Variants in XKR6 observed in about 807,000 individuals in gnomAD.
The protein encoded by XKR6 is XK-related protein 6.
In XKR6, 22 loss-of-function variants were observed where a neutral mutation model predicts 56.7. The observed-to-expected ratio is 0.39, with a 90% CI of 0.28 to 0.55. The LOEUF is 0.55. Ranked by LOEUF, XKR6 falls within the 20% of genes least tolerant of loss-of-function variation. XKR6 has a pLI of 0.66. For synonymous variants in XKR6, 524 were observed against 387.8 expected (o/e 1.35, Z -4.13); for missense variants, 852 against 889.0 (o/e 0.96, Z 0.53).
rs970796353 is a variant in XKR6 at position 11,201,446 on chromosome 8, C to T, written c.-107G>A. 7.2e-6 allele frequency: 2 copies of T among 279,664 alleles called. No individual in the cohort carries two copies. Among genetic ancestry groups the T allele is most frequent in the Non-Finnish European group, 1.2e-5 (2 of 165,514 alleles). 17.3% of individuals were successfully genotyped at this position (279,664 alleles called of 1,614,324 possible). A position where few individuals can be genotyped will look rare whatever the true frequency, so the allele number is the denominator to read the frequency against. On this transcript the variant is annotated 5_prime_UTR_variant, in exon 1 of 3. Coordinates refer to ENST00000416569, the MANE Select transcript of XKR6 (RefSeq NM_173683.4). ...GGAAACGAATGGAGAGGAAGGGGGGCGGGGAGGAAGCGGGGGAGCAAACGA... is the reference window on the plus strand; with the variant it reads ...GGAAACGAATGGAGAGGAAGGGGGGTGGGGAGGAAGCGGGGGAGCAAACGA...
At chr8:11,049,340 CA>C (rs1344343021) in intron 1 of XKR6, among the ~76,000 whole-genome samples, 1 of 152,194 alleles carries the variant, frequency 6.6e-6, no homozygotes, top group Non-Finnish European at 1.5e-5. Context: ...CATGACCCGG[CA>C]GGAGGGTTCA....
intron 1 of XKR6, among the ~76,000 whole-genome samples, chr8:10,987,014 T>C (rs1442578591): frequency 6.6e-6 from 1 of 152,154 alleles, no homozygotes; most frequent in African/African-American, 2.4e-5. Flanking sequence ...GGTCTTGAAC[T>C]CTTAGATTCA....
intron 1 of XKR6, among the ~76,000 whole-genome samples, chr8:11,126,884 G>A (rs1350679510): frequency 6.6e-6 from 1 of 152,110 alleles, no homozygotes; most frequent in East Asian, 1.9e-4. Context: ...AAACCAAAGG[G>A]ACCCAGATGA....
At chr8:11,180,415 T>A (rs1802907145) in intron 1 of XKR6, among the ~76,000 whole-genome samples, 1 of 152,204 alleles carries the variant, frequency 6.6e-6, no homozygotes, top group South Asian at 2.1e-4. Flanking sequence ...AAGTTTAGTA[T>A]CACCCTTGGC....
chr8:10,915,182 G>A (rs1044755240), intron 2 of XKR6, among the ~76,000 whole-genome samples: 3 of 152,238 alleles, frequency 2.0e-5, no homozygotes, highest in African/African-American at 7.2e-5. Context: ...ACACAAAGCA[G>A]AAGCTCCACA....
intron 1 of XKR6, among the ~76,000 whole-genome samples, chr8:10,942,964 G>A (rs1208781162): frequency 6.6e-6 from 1 of 152,232 alleles, no homozygotes; most frequent in Non-Finnish European, 1.5e-5. Flanking sequence ...AGGATCTAGG[G>A]CCAGGTGGCC....
intron 1 of XKR6, among the ~76,000 whole-genome samples, chr8:10,929,651 G>A (rs540218054): frequency 1.2e-4 from 19 of 152,350 alleles, no homozygotes; most frequent in African/African-American, 4.3e-4. Context: ...CTGAGCCTTA[G>A]TTTCCTCATG....
At chr8:11,193,075 G>A (rs1307244372) in intron 1 of XKR6, among the ~76,000 whole-genome samples, 1 of 152,194 alleles carries the variant, frequency 6.6e-6, no homozygotes, top group African/African-American at 2.4e-5. Flanking sequence ...CATGTGGCCA[G>A]GGCAAACCGT....
intron 1 of XKR6, among the ~76,000 whole-genome samples, chr8:11,150,064 T>A (rs555799281): frequency 6.6e-6 from 1 of 152,226 alleles, no homozygotes; most frequent in African/African-American, 2.4e-5. Flanking sequence ...TACCAGAGGC[T>A]GGGAAGAGTT....
In XKR6 at chr8:11,010,158, C is replaced by G. The variant is rs114735351; in HGVS notation, c.765-85328G>C. Among the ~76,000 whole-genome samples the G allele has an allele frequency of 4.6e-3, 706 of 152,172 alleles. 2 individuals carry two copies. The highest frequency in any genetic ancestry group is 0.017 in the African/African-American group (686 of 41,508). The stretch of plus-strand genomic sequence containing the variant: ...GTAGTCATCTCTTATATGGCCACAA[C>G]AGGAGGAAGAGAGAGAAGCAGGAGG... On this transcript the variant is annotated intron_variant, in intron 1 of 2. Coordinates refer to ENST00000416569, the MANE Select transcript of XKR6 (RefSeq NM_173683.4).
intron 1 of XKR6, among the ~76,000 whole-genome samples, chr8:10,981,690 T>C (rs1240984796): frequency 6.6e-6 from 1 of 152,260 alleles, no homozygotes; most frequent in African/African-American, 2.4e-5. Flanking sequence ...GGTAGTGTCA[T>C]TGCCCAGCTT....
intron 1 of XKR6, among the ~76,000 whole-genome samples, chr8:11,076,673 C>T (rs1239650684): frequency 6.6e-6 from 1 of 152,220 alleles, no homozygotes; most frequent in African/African-American, 2.4e-5. Flanking sequence ...AAGAAAGCCA[C>T]AGAGGACAGT....
intron 1 of XKR6, among the ~76,000 whole-genome samples, chr8:11,144,067 C>G (rs1442288624): frequency 4.6e-5 from 7 of 152,044 alleles, no homozygotes; most frequent in Non-Finnish European, 7.4e-5. Flanking sequence ...CGTCAATGAC[C>G]TCGTTTAACC....
chr8:11,104,619 T>C (rs984022927), intron 1 of XKR6: 3 of 152,234 alleles, frequency 2.0e-5, no homozygotes, highest in Non-Finnish European at 4.4e-5. Flanking sequence ...AACTGTGACA[T>C]ATACAGTCAG....
intron 1 of XKR6, among the ~76,000 whole-genome samples, chr8:11,007,935 G>C (rs922672678): frequency 2.0e-5 from 3 of 151,782 alleles, no homozygotes; most frequent in Non-Finnish European, 2.9e-5. Context: ...GTGGGGGGAG[G>C]GCAGGGCAGA....
chr8:10,905,279 G>A (rs907740938), intron 2 of XKR6, among the ~76,000 whole-genome samples: 2 of 152,136 alleles, frequency 1.3e-5, no homozygotes, highest in Admixed American at 6.5e-5. Context: ...CACTCAGGTC[G>A]TGCGGCATTC....
intron 1 of XKR6, among the ~76,000 whole-genome samples, chr8:11,182,947 T>G (rs1803073876): frequency 6.6e-6 from 1 of 152,248 alleles, no homozygotes; most frequent in Admixed American, 6.5e-5. Flanking sequence ...ACGGCCCTTT[T>G]GTAAGTGGAA....
intron 1 of XKR6, among the ~76,000 whole-genome samples, chr8:10,962,499 T>C (rs1802094079): frequency 6.6e-6 from 1 of 152,202 alleles, no homozygotes; most frequent in African/African-American, 2.4e-5. Context: ...TGTATTTTTG[T>C]TTATTTACGA....
chr8:11,058,730 A>G (rs1243932298), intron 1 of XKR6, among the ~76,000 whole-genome samples: 1 of 152,116 alleles, frequency 6.6e-6, no homozygotes, highest in Admixed American at 6.5e-5. Context: ...ACAAACACCT[A>G]ATGCATGCGG....
Sources: allele counts gnomAD v4.1 joint callset (sites outside exome capture counted in the v4.1 genomes callset), GRCh38; gene constraint gnomAD v4.1.1; transcripts MANE v1.5; gene names NCBI Gene and HGNC (gene_info 2026-07-23, HGNC 2026-07-21).